Variants in OXR1 observed in about 807,000 individuals in gnomAD.
OXR1 encodes the protein oxidation resistance protein 1.
Under a neutral mutation model 104.6 loss-of-function variants are expected in OXR1, and 41 were observed. That is an observed-to-expected ratio of 0.39 (90% CI 0.31 to 0.51). The LOEUF (loss-of-function observed/expected upper bound fraction) is 0.51, where lower values mean the gene tolerates loss of function less well. Among genes scored for constraint, OXR1 ranks in the 20% least tolerant of loss-of-function variants. OXR1 has a pLI of 0.77. For missense variants in OXR1, 955 were observed against 1,031.9 expected, an observed-to-expected ratio of 0.93 and a Z score of 1.02; for synonymous variants, 348 against 348.4, an observed-to-expected ratio of 1.00 and a Z score of 0.01.
At chr8:106,547,745 C>T (rs1815486237) in intron 3 of OXR1, among the ~76,000 whole-genome samples, 1 of 152,088 alleles carries the variant, frequency 6.6e-6, no homozygotes, top group Admixed American at 6.6e-5. Flanking sequence ...CCTCGTGGAT[C>T]ACCTGCCTTG....
intron 12 of OXR1, among the ~76,000 whole-genome samples, chr8:106,739,075 T>TACACACACACACAC (rs71307086): frequency 0.022 from 3,184 of 141,580 alleles, 67 homozygotes; most frequent in East Asian, 0.046. Flanking sequence ...TTAAATAGCA[T>TACACACACACACAC]ACACACACAC....
chr8:106,552,514 C>G (rs945444250), intron 3 of OXR1, among the ~76,000 whole-genome samples: 3 of 152,126 alleles, frequency 2.0e-5, no homozygotes, highest in South Asian at 2.1e-4. Flanking sequence ...TACATTCAAG[C>G]CTCTTAGATC....
At chr8:106,289,792 C>A (rs1223357912) in intron 1 of OXR1, among the ~76,000 whole-genome samples, 1 of 152,062 alleles carries the variant, frequency 6.6e-6, no homozygotes, top group East Asian at 1.9e-4. Flanking sequence ...TCTCATAATC[C>A]CCATGTGTCA....
intron 2 of OXR1, among the ~76,000 whole-genome samples, chr8:106,498,224 A>C (rs1403653882): frequency 6.6e-6 from 1 of 152,070 alleles, no homozygotes; most frequent in African/African-American, 2.4e-5. Context: ...ATGAACATCA[A>C]GTATCTACAC....
At chr8:106,722,383 C>T (rs764049016) in intron 11 of OXR1, among the ~76,000 whole-genome samples, 35 of 151,726 alleles carry the variant, frequency 2.3e-4, no homozygotes, top group Non-Finnish European at 4.6e-4. Context: ...CAAATTATAA[C>T]TCCAGAAGAA....
intron 2 of OXR1, among the ~76,000 whole-genome samples, chr8:106,506,395 C>T (rs1272749903): frequency 1.3e-5 from 2 of 152,108 alleles, no homozygotes; most frequent in African/African-American, 2.4e-5. Flanking sequence ...GGGCGGATCA[C>T]GAGGTCAGGA....
rs536754598 is a variant in OXR1, at chr8:106,727,585, T to A, written c.1957-9935T>A. The stretch of plus-strand genomic sequence containing the variant: ...AGCATGCACCACCACAGCCCGCTAA[T>A]TTTTTTGTATTTTTTATAGAGACTA... On this transcript the variant is annotated intron_variant, in intron 11 of 16. Coordinates refer to ENST00000517566, the MANE Select transcript of OXR1 (RefSeq NM_001198533.2). Among the ~76,000 whole-genome samples, 6 of 152,030 alleles carry A rather than the reference T, an allele frequency of 3.9e-5. No homozygotes were observed. In the East Asian group the frequency reaches 9.7e-4, roughly 25 times the overall value.
At chr8:106,682,838 A>G (rs894080796) in intron 4 of OXR1, among the ~76,000 whole-genome samples, 5 of 151,992 alleles carry the variant, frequency 3.3e-5, no homozygotes, top group African/African-American at 1.2e-4. Context: ...TGAAATTAGT[A>G]TGTTGCTAGA....
chr8:106,702,324 T>C (rs1830658063), intron 7 of OXR1, among the ~76,000 whole-genome samples: 2 of 152,298 alleles, frequency 1.3e-5, no homozygotes, highest in South Asian at 2.1e-4. Context: ...TAAAAGTATA[T>C]ATACACTATA....
chr8:106,431,547 C>T lies in OXR1; in HGVS notation c.23+71911C>T, dbSNP rs542020653. The stretch of plus-strand genomic sequence containing the variant: ...AATTTAAAATAACTCTGCCATCATG[C>T]TTCATTTTTCTTCATATCTCCTAAC... On this transcript the variant is annotated intron_variant, in intron 2 of 16. Coordinates refer to ENST00000517566, the MANE Select transcript of OXR1 (RefSeq NM_001198533.2). Among the ~76,000 whole-genome samples, 213 of 152,274 alleles carry T rather than the reference C, an allele frequency of 1.4e-3. 1 individual carries two copies. Among genetic ancestry groups the T allele is most frequent in the African/African-American group, 4.8e-3 (200 of 41,560 alleles).
intron 2 of OXR1, among the ~76,000 whole-genome samples, chr8:106,427,037 A>G (rs73699390): frequency 6.6e-6 from 1 of 152,208 alleles, no homozygotes; most frequent in South Asian, 2.1e-4. Flanking sequence ...CGCGTTTTGT[A>G]TACTGATTCA....
At chr8:106,640,622 T>C (rs1200299755) in intron 3 of OXR1, among the ~76,000 whole-genome samples, 1 of 152,132 alleles carries the variant, frequency 6.6e-6, no homozygotes, top group Non-Finnish European at 1.5e-5. Flanking sequence ...GTGAATAACA[T>C]GTAATCTTTA....
chr8:106,499,886 C>A (rs926135602), intron 2 of OXR1, among the ~76,000 whole-genome samples: 1 of 152,210 alleles, frequency 6.6e-6, no homozygotes, highest in Non-Finnish European at 1.5e-5. Context: ...TCAGCAGTGA[C>A]TTGCAATTGC....
chr8:106,523,969 G>A (rs185984780), intron 3 of OXR1, among the ~76,000 whole-genome samples: 193 of 151,924 alleles, frequency 1.3e-3, no homozygotes, highest in Non-Finnish European at 2.1e-3. Flanking sequence ...GTAGAGACGG[G>A]GTTTCACCAG....
At chr8:106,687,123 T>C (rs1488364145) in intron 6 of OXR1, among the ~76,000 whole-genome samples, 1 of 152,132 alleles carries the variant, frequency 6.6e-6, no homozygotes, top group Non-Finnish European at 1.5e-5. Context: ...CCCTTTTGCT[T>C]CTGTTGGTGG....
At chr8:106,688,500 G>C (rs1563707929) in intron 6 of OXR1, among the ~76,000 whole-genome samples, 1 of 152,032 alleles carries the variant, frequency 6.6e-6, no homozygotes, top group Non-Finnish European at 1.5e-5. Context: ...GTATAAAATA[G>C]CAATAGAATG....
At chr8:106,685,688 G>C (rs1379243502) in intron 6 of OXR1, among the ~76,000 whole-genome samples, 1 of 149,172 alleles carries the variant, frequency 6.7e-6, no homozygotes, top group Non-Finnish European at 1.5e-5. Context: ...TTTGTCCCTG[G>C]GATAGATTAA....
intron 1 of OXR1, among the ~76,000 whole-genome samples, chr8:106,271,147 G>A (rs1811787413): frequency 6.6e-6 from 1 of 152,076 alleles, no homozygotes; most frequent in African/African-American, 2.4e-5. Context: ...GGTAGGGCCT[G>A]AAAGGTTCAG....
At chr8:106,683,781 A>G (rs1174900943) in intron 5 of OXR1, among the ~76,000 whole-genome samples, 1 of 152,178 alleles carries the variant, frequency 6.6e-6, no homozygotes, top group Non-Finnish European at 1.5e-5. Flanking sequence ...TCACGCGTGC[A>G]TGGTATTACA....
Sources: allele counts gnomAD v4.1 joint callset (sites outside exome capture counted in the v4.1 genomes callset), GRCh38; gene constraint gnomAD v4.1.1; transcripts MANE v1.5; gene names NCBI Gene and HGNC (gene_info 2026-07-23, HGNC 2026-07-21).